STRBP: variants seen among roughly 807,000 people sequenced by gnomAD.
STRBP encodes spermatid perinuclear RNA binding protein.
Under a neutral mutation model 80.1 loss-of-function variants are expected in STRBP, and 13 were observed. The ratio of observed to expected loss-of-function variants is 0.16; its 90% CI spans 0.11 to 0.26. STRBP has a LOEUF of 0.26. STRBP is among the 10% of genes least tolerant of loss of function. STRBP has a pLI of 1.00. For missense variants in STRBP, 485 were observed against 815.2 expected, an observed-to-expected ratio of 0.59 and a Z score of 4.93; for synonymous variants, 284 against 291.2, an observed-to-expected ratio of 0.98 and a Z score of 0.25.
chr9:123,143,360 G>A (rs1423567502), intron 13 of STRBP, among the ~76,000 whole-genome samples: 2 of 152,376 alleles, frequency 1.3e-5, no homozygotes, highest in South Asian at 2.1e-4. Flanking sequence ...ACTTTAGGGT[G>A]CTTGCTGCTC....
intron 2 of STRBP, among the ~76,000 whole-genome samples, chr9:123,228,442 A>G (rs898191870): frequency 3.3e-5 from 5 of 152,198 alleles, no homozygotes; most frequent in African/African-American, 9.6e-5. Flanking sequence ...ACAAGGATTG[A>G]CCAATAAAAT....
intron 5 of STRBP, among the ~76,000 whole-genome samples, chr9:123,170,708 T>C (rs1038419304): frequency 6.6e-6 from 1 of 152,154 alleles, no homozygotes; most frequent in Non-Finnish European, 1.5e-5. Flanking sequence ...AACATACAAA[T>C]ATAAACAAAC....
chr9:123,169,127 A>AT (rs941366508), intron 6 of STRBP, among the ~76,000 whole-genome samples: 7 of 152,000 alleles, frequency 4.6e-5, no homozygotes, highest in Admixed American at 4.6e-4. Context: ...ATCTTATGAG[A>AT]TTATACAGCT....
chr9:123,217,901 C>A (rs539555047), intron 2 of STRBP, among the ~76,000 whole-genome samples: 2 of 152,286 alleles, frequency 1.3e-5, no homozygotes, highest in African/African-American at 4.8e-5. Flanking sequence ...GCTTGTCAGT[C>A]CAGATATTTC....
At chr9:123,197,362 A>T (rs1024611421) in intron 2 of STRBP, among the ~76,000 whole-genome samples, 3 of 152,154 alleles carry the variant, frequency 2.0e-5, no homozygotes, top group Non-Finnish European at 1.5e-5. Context: ...TTTTTATTTC[A>T]ATTCCTTTTG....
rs544350076 is a variant in STRBP, at chr9:123,194,480, C to G, written c.-164-10182G>C. Among the ~76,000 whole-genome samples the G allele has an allele frequency of 4.6e-5, 7 of 152,278 alleles. No homozygotes were observed. The East Asian group carries it at 1.2e-3, about 25-fold the overall frequency. On this transcript the variant is annotated intron_variant, in intron 2 of 18. Coordinates refer to ENST00000348403, the MANE Select transcript of STRBP (RefSeq NM_018387.5). ...AGCATTCCCACATGTTGTAATAGCA[C>G]CCATCAATAAAAATAAAAAGGGAAA... is the stretch of plus-strand genomic sequence containing the variant.
intron 6 of STRBP, 81 bp downstream of exon 6, chr9:123,169,821 T>G (rs2132425057): frequency 1.2e-6 from 1 of 855,278 alleles, no homozygotes; most frequent in East Asian, 3.9e-5. Context: ...CCATAAAACA[T>G]TGTTAACATA....
chr9:123,130,455 A>G (rs1269062000), intron 17 of STRBP, among the ~76,000 whole-genome samples: 3 of 152,112 alleles, frequency 2.0e-5, no homozygotes, highest in Non-Finnish European at 2.9e-5. Context: ...AGTGGCCATA[A>G]ACGGTTCCTT....
chr9:123,263,675 C>T (rs1413028838), intron 1 of STRBP, among the ~76,000 whole-genome samples: 1 of 152,066 alleles, frequency 6.6e-6, no homozygotes, highest in Non-Finnish European at 1.5e-5. Context: ...TAGAGCATTA[C>T]CTGTCAAAGC....
At chr9:123,167,031 T>A (rs771643800) in intron 6 of STRBP, among the ~76,000 whole-genome samples, 3 of 151,764 alleles carry the variant, frequency 2.0e-5, no homozygotes, top group Non-Finnish European at 4.4e-5. Flanking sequence ...TTGAAAGGAG[T>A]AGGTAGTTAG....
chr9:123,254,883 TAA>T (rs2132638947), intron 1 of STRBP, among the ~76,000 whole-genome samples: 1 of 152,280 alleles, frequency 6.6e-6, no homozygotes, highest in African/African-American at 2.4e-5. Flanking sequence ...AAAGACTTAA[TAA>T]AGAGACGACT....
intron 2 of STRBP, among the ~76,000 whole-genome samples, chr9:123,188,995 T>A (rs1441307671): frequency 6.6e-6 from 1 of 152,034 alleles, no homozygotes; most frequent in African/African-American, 2.4e-5. Context: ...CCTCACTGCC[T>A]CTCCCAGAAG....
chr9:123,136,066 T>C lies in STRBP; in HGVS notation c.1748A>G (p.Asn583Ser), dbSNP rs1197300703. 1.9e-6 allele frequency: 3 copies of C among 1,614,176 alleles called. No individual in the cohort carries two copies. Among genetic ancestry groups the C allele is most frequent in the East Asian group, 4.5e-5 (2 of 44,872 alleles). ...KLFSGPNAAN[N>S]KKKKIIPQAK... The stretch of plus-strand genomic sequence containing the variant: ...CTGAGGGATAATCTTCTTTTTCTTA[T>C]TATTTGCCGCATTGGGTCCAGAAAA... The change falls in exon 16 of 19, where the codon AAT becomes AGT. Residue 583 changes from asparagine (N) to serine (S), a missense_variant. Physicochemically the swap from Asn to Ser is conservative, Grantham distance 46. Coordinates refer to ENST00000348403, the MANE Select transcript of STRBP (RefSeq NM_018387.5). This position sits in a 1 kb window ranked among gnomAD's most constrained non-coding sequence, Gnocchi z 4.2.
At chr9:123,221,017 A>G (rs1312853357) in intron 2 of STRBP, among the ~76,000 whole-genome samples, 1 of 152,144 alleles carries the variant, frequency 6.6e-6, no homozygotes, top group Non-Finnish European at 1.5e-5. Context: ...TTGTTTATAG[A>G]GATTTTTTTT....
At chr9:123,214,312 A>G (rs1251247056) in intron 2 of STRBP, among the ~76,000 whole-genome samples, 1 of 152,156 alleles carries the variant, frequency 6.6e-6, no homozygotes, top group Non-Finnish European at 1.5e-5. Flanking sequence ...GTTCTCACTA[A>G]TAAGAGGGAG....
Position 123,123,903 on chromosome 9 carries a change from A to G in STRBP, c.*1694T>C. On this transcript the variant is annotated 3_prime_UTR_variant, in exon 19 of 19. Transcript: ENST00000348403. The stretch of plus-strand genomic sequence containing the variant: ...TGAAACATGAAAACTCCCAGCTGAA[A>G]TGGGCCCTCTTGTTTATGTCTAGCC... 1.0e-6 allele frequency: 1 copy of G among 985,448 alleles called. No individual in the cohort carries two copies. The highest frequency in any genetic ancestry group is 4.7e-5 in the South Asian group (1 of 21,280). The allele number at this position is 985,448 out of a possible 1,614,324, so 61.0% of individuals were successfully genotyped here.
intron 11 of STRBP, among the ~76,000 whole-genome samples, chr9:123,154,759 G>A (rs1473094554): frequency 2.0e-5 from 3 of 152,154 alleles, no homozygotes; most frequent in Non-Finnish European, 2.9e-5. Context: ...AAGTGGTGAG[G>A]AAGAAAACCT....
intron 1 of STRBP, among the ~76,000 whole-genome samples, chr9:123,250,113 T>A (rs988030764): frequency 6.6e-5 from 10 of 152,256 alleles, no homozygotes; most frequent in Non-Finnish European, 1.5e-4. Flanking sequence ...ATTTGTCAAG[T>A]TTTGGTGTAG....
chr9:123,255,798 A>C (rs2041015121), intron 1 of STRBP, among the ~76,000 whole-genome samples: 1 of 152,120 alleles, frequency 6.6e-6, no homozygotes, highest in Non-Finnish European at 1.5e-5. Context: ...TTTTATCAGA[A>C]TCATCATCAC....
Sources: gnomAD v4.1 joint callset for allele counts (sites outside exome capture counted in the v4.1 genomes callset) on GRCh38, gnomAD v4.1.1 for gene constraint, Gnocchi (gnomAD v3.1) non-coding constraint, MANE v1.5 for transcripts, NCBI Gene and HGNC (gene_info 2026-07-23, HGNC 2026-07-21) for gene names.